Variants in KHDRBS2 observed in about 807,000 individuals in gnomAD.
KHDRBS2 encodes the protein KH RNA binding domain containing, signal transduction associated 2, also known as KH domain-containing, RNA-binding, signal transduction-associated protein 2.
A neutral mutation model predicts 44.3 loss-of-function variants in KHDRBS2; 26 were observed. That is an observed-to-expected ratio of 0.59 (90% CI 0.43 to 0.81). KHDRBS2 has a LOEUF of 0.81. Among genes scored for constraint, KHDRBS2 ranks in the 40% least tolerant of loss-of-function variants. The pLI is 0.00. For synonymous variants in KHDRBS2, 194 were observed against 151.1 expected (o/e 1.28, Z -2.08); for missense variants, 476 against 433.1 (o/e 1.10, Z -0.88).
At chr6:61,628,200 C>T in the KHDRBS2 span, among the ~76,000 whole-genome samples, 1 of 121,658 alleles carries the variant, frequency 8.2e-6, no homozygotes, top group Non-Finnish European at 1.6e-5. Flanking sequence ...TCCACTGGTA[C>T]ATGTGTAGCC....
chr6:61,550,274 A>T, the KHDRBS2 span, among the ~76,000 whole-genome samples: 6 of 152,034 alleles, frequency 3.9e-5, no homozygotes, highest in Admixed American at 1.3e-4. Flanking sequence ...TTCAGTTCCC[A>T]CTTAGTAGTG....
At chr6:61,569,476 T>C in the KHDRBS2 span, among the ~76,000 whole-genome samples, 6 of 152,088 alleles carry the variant, frequency 3.9e-5, no homozygotes, top group African/African-American at 7.2e-5. Flanking sequence ...TGGAGGCCAG[T>C]CAACTCAGGC....
At chr6:62,187,541 T>C (rs747977420) in intron 1 of KHDRBS2, among the ~76,000 whole-genome samples, 3 of 152,194 alleles carry the variant, frequency 2.0e-5, no homozygotes, top group Non-Finnish European at 4.4e-5. Context: ...TAAGTTTATA[T>C]ACAAAATATT....
At chr6:61,548,300 A>G in the KHDRBS2 span, among the ~76,000 whole-genome samples, 1 of 152,168 alleles carries the variant, frequency 6.6e-6, no homozygotes, top group Non-Finnish European at 1.5e-5. Flanking sequence ...CTATATATAT[A>G]GCAACAATTT....
At chr6:61,545,713 T>A in the KHDRBS2 span, among the ~76,000 whole-genome samples, 7 of 152,126 alleles carry the variant, frequency 4.6e-5, no homozygotes, top group Admixed American at 4.6e-4. Flanking sequence ...AAATTTACTA[T>A]GTTGAAGCTC....
At chr6:61,669,851 A>T in the KHDRBS2 span, among the ~76,000 whole-genome samples, 2 of 151,092 alleles carry the variant, frequency 1.3e-5, no homozygotes, top group Admixed American at 6.6e-5. Flanking sequence ...AACTTTAATC[A>T]TCCCCGCATA....
intron 2 of KHDRBS2, among the ~76,000 whole-genome samples, chr6:62,105,494 G>A (rs1356140858): frequency 1.3e-5 from 2 of 152,072 alleles, no homozygotes; most frequent in East Asian, 3.9e-4. Flanking sequence ...CTTCTTCCTG[G>A]TTTAGTCTTG....
chr6:61,668,276 T>G, the KHDRBS2 span, among the ~76,000 whole-genome samples: 1 of 151,076 alleles, frequency 6.6e-6, no homozygotes, highest in African/African-American at 2.4e-5. Flanking sequence ...TTAATATCTC[T>G]GGACAAATCT....
the KHDRBS2 span, among the ~76,000 whole-genome samples, chr6:61,635,109 A>G: frequency 6.6e-6 from 1 of 151,964 alleles, no homozygotes; most frequent in Non-Finnish European, 1.5e-5. Flanking sequence ...AATTAATCTC[A>G]TTACTTCATT....
rs568873977 is a variant in KHDRBS2 at position 62,119,354 on chromosome 6, G to A, written c.219+57831C>T. Reference sequence around the variant, plus strand: ...AAGTTGGTTGGTTGCTCTTAAGTTCGCTGGACAAAGTGATGGAAGAACTCA... The same window carrying A: ...AAGTTGGTTGGTTGCTCTTAAGTTCACTGGACAAAGTGATGGAAGAACTCA... On this transcript the variant is annotated intron_variant, in intron 2 of 8. Coordinates refer to ENST00000281156, the MANE Select transcript of KHDRBS2 (RefSeq NM_152688.4). 6.6e-5 allele frequency among the ~76,000 whole-genome samples: 10 copies of A among 152,258 alleles called. No individual in the cohort carries two copies. In the South Asian group the frequency reaches 1.5e-3, roughly 22 times the overall value.
intron 7 of KHDRBS2, among the ~76,000 whole-genome samples, chr6:61,716,297 C>A (rs1771414824): frequency 3.3e-5 from 5 of 151,952 alleles, no homozygotes; most frequent in Admixed American, 2.6e-4. Flanking sequence ...CAGGTGATTT[C>A]ACATCCCAGC....
rs1781768140 is a variant in KHDRBS2, at chr6:62,018,993, G to A, written c.336+28885C>T. On this transcript the variant is annotated intron_variant, in intron 3 of 8. Transcript: ENST00000281156. ...GAAAAGAATTTTATCTCTGACACTAGTGAACTTTAAAATGAAGACACAATA... is the reference window on the plus strand; with the variant it reads ...GAAAAGAATTTTATCTCTGACACTAATGAACTTTAAAATGAAGACACAATA... 3.3e-5 allele frequency among the ~76,000 whole-genome samples: 5 copies of A among 151,966 alleles called. No homozygotes were observed. In the South Asian group the frequency reaches 1.0e-3, roughly 32 times the overall value.
At chr6:61,685,907 G>A (rs1766764513) in intron 8 of KHDRBS2, among the ~76,000 whole-genome samples, 1 of 151,646 alleles carries the variant, frequency 6.6e-6, no homozygotes, top group African/African-American at 2.4e-5. Context: ...TGAGGTAGTT[G>A]GGAAAAACAT....
chr6:61,910,804 G>A (rs1485412922), intron 4 of KHDRBS2, among the ~76,000 whole-genome samples: 1 of 152,122 alleles, frequency 6.6e-6, no homozygotes, highest in African/African-American at 2.4e-5. Flanking sequence ...AATATTAAAC[G>A]ACAGATTTGA....
chr6:61,726,315 C>T (rs765801303), intron 7 of KHDRBS2, among the ~76,000 whole-genome samples: 1 of 152,108 alleles, frequency 6.6e-6, no homozygotes, highest in African/African-American at 2.4e-5. Context: ...CAGCTAATAT[C>T]ATACTAAATG....
intron 4 of KHDRBS2, among the ~76,000 whole-genome samples, chr6:61,963,739 A>G (rs1208912861): frequency 7.9e-5 from 12 of 152,100 alleles, no homozygotes; most frequent in Non-Finnish European, 1.0e-4. Context: ...GCAGGATTTT[A>G]CAAGGGTTTC....
chr6:62,272,631 G>C (rs774176351), intron 1 of KHDRBS2, among the ~76,000 whole-genome samples: 6 of 152,078 alleles, frequency 3.9e-5, no homozygotes, highest in African/African-American at 7.2e-5. Flanking sequence ...AAGGAAAAAA[G>C]TATCAAGATG....
chr6:61,548,750 C>T, the KHDRBS2 span, among the ~76,000 whole-genome samples: 2 of 151,970 alleles, frequency 1.3e-5, no homozygotes, highest in African/African-American at 4.8e-5. Flanking sequence ...GATATCAATA[C>T]CATCACCACA....
intron 3 of KHDRBS2, among the ~76,000 whole-genome samples, chr6:62,006,728 T>A (rs1289872476): frequency 6.6e-6 from 1 of 152,012 alleles, no homozygotes; most frequent in East Asian, 1.9e-4. Context: ...AATGTATAAC[T>A]TTCAAACATA....
Sources: gnomAD v4.1 joint callset for allele counts (sites outside exome capture counted in the v4.1 genomes callset) on GRCh38, gnomAD v4.1.1 for gene constraint, MANE v1.5 for transcripts, NCBI Gene and HGNC (gene_info 2026-07-23, HGNC 2026-07-21) for gene names.